Variants in EPHA4 observed in about 807,000 individuals in gnomAD.
EPHA4 encodes the protein EPH receptor A4, also known as ephrin type-A receptor 4.
In EPHA4, 19 loss-of-function variants were observed where a neutral mutation model predicts 108.3. That is an observed-to-expected ratio of 0.18 (90% CI 0.12 to 0.26). The LOEUF (loss-of-function observed/expected upper bound fraction) is 0.26. Among genes scored for constraint, EPHA4 ranks in the 10% least tolerant of loss-of-function variants. The pLI is 1.00. For missense variants in EPHA4, 917 were observed against 1,254.0 expected (o/e 0.73, Z 4.06); for synonymous variants, 449 against 455.5 (o/e 0.99, Z 0.18).
At chr2:221,551,835 A>C (rs1694171712) in intron 3 of EPHA4, among the ~76,000 whole-genome samples, 1 of 151,994 alleles carries the variant, frequency 6.6e-6, no homozygotes, top group Admixed American at 6.6e-5. Context: ...CATCAACATG[A>C]GTTTTTTTTT....
At chr2:221,430,183 T>A in intron 14 of EPHA4, 32 bp from the exon 15 acceptor site, 1 of 1,563,244 alleles carries the variant, frequency 6.4e-7, no homozygotes, top group Non-Finnish European at 8.6e-7. Flanking sequence ...TATGTTAAGC[T>A]GCCAGGCAAG....
At chr2:221,466,752 A>G (rs1168563252) in intron 5 of EPHA4, among the ~76,000 whole-genome samples, 3 of 152,184 alleles carry the variant, frequency 2.0e-5, no homozygotes, top group Non-Finnish European at 4.4e-5. Context: ...TTATAGATCA[A>G]GAAGATAAGG....
intron 3 of EPHA4, among the ~76,000 whole-genome samples, chr2:221,519,034 G>T (rs902575274): frequency 1.3e-5 from 2 of 152,140 alleles, no homozygotes; most frequent in African/African-American, 2.4e-5. Flanking sequence ...GGTGCAAGAA[G>T]AAATAAATCT....
intron 17 of EPHA4, chr2:221,422,214 T>A (rs1348917274): frequency 6.6e-6 from 1 of 152,208 alleles, no homozygotes; most frequent in South Asian, 2.1e-4. Flanking sequence ...ATTTCCTCTC[T>A]GGAAATCGGT....
chr2:221,507,434 A>G lies in EPHA4; in HGVS notation c.824-6262T>C, dbSNP rs13382191. Among the ~76,000 whole-genome samples, 1,246 of 152,286 alleles carry G rather than the reference A, an allele frequency of 8.2e-3. 18 individuals are homozygous for G. Among genetic ancestry groups the G allele is most frequent in the African/African-American group, 0.028 (1,179 of 41,554 alleles). On this transcript the variant is annotated intron_variant, in intron 3 of 17. Coordinates refer to ENST00000281821, the MANE Select transcript of EPHA4 (RefSeq NM_004438.5). ...ACCATTGTGGGGACAATTTCTTTGA[A>G]TCAGTTCAAATTTCTGCAATTATAT... is the stretch of plus-strand genomic sequence containing the variant.
At chr2:221,466,114 C>A (rs1405009882) in intron 5 of EPHA4, among the ~76,000 whole-genome samples, 3 of 152,126 alleles carry the variant, frequency 2.0e-5, no homozygotes, top group Non-Finnish European at 4.4e-5. Flanking sequence ...TTCCCACGGA[C>A]AAAATCACGG....
chr2:221,429,614 T>C (rs1005745901), intron 15 of EPHA4, among the ~76,000 whole-genome samples: 1 of 152,216 alleles, frequency 6.6e-6, no homozygotes, highest in Non-Finnish European at 1.5e-5. Context: ...CATTTCAAAA[T>C]ATAGCACCTA....
chr2:221,458,903 C>A (rs1691047745), intron 5 of EPHA4, among the ~76,000 whole-genome samples: 1 of 152,114 alleles, frequency 6.6e-6, no homozygotes, highest in African/African-American at 2.4e-5. Context: ...CCCTGGAGAA[C>A]CAGAGATTAG....
At chr2:221,455,904 A>G (rs895910133) in intron 7 of EPHA4, among the ~76,000 whole-genome samples, 1 of 152,154 alleles carries the variant, frequency 6.6e-6, no homozygotes, top group Non-Finnish European at 1.5e-5. Context: ...AAGGATGTCA[A>G]TCCCCTTCAG....
intron 17 of EPHA4, among the ~76,000 whole-genome samples, chr2:221,421,149 TAGCCAGGC>T (rs1166320012): frequency 4.0e-5 from 6 of 151,882 alleles, no homozygotes; most frequent in Non-Finnish European, 7.4e-5. Context: ...TACAAAAAAT[TAGCCAGGC>T]GTGGTGGCGG....
chr2:221,463,989 G>C (rs558095763), intron 5 of EPHA4, among the ~76,000 whole-genome samples: 1 of 152,170 alleles, frequency 6.6e-6, no homozygotes, highest in Non-Finnish European at 1.5e-5. Flanking sequence ...TGGAGGAGGT[G>C]AGCTAGGAAA....
At chr2:221,551,675 C>T (rs888312601) in intron 3 of EPHA4, among the ~76,000 whole-genome samples, 5 of 152,048 alleles carry the variant, frequency 3.3e-5, no homozygotes, top group East Asian at 3.9e-4. Context: ...AAATTAGGTA[C>T]TTGGGCTTAT....
At chr2:221,458,018 A>G (rs746935251) in intron 5 of EPHA4, 28 bp from the exon 6 acceptor site, 2 of 1,594,524 alleles carry the variant, frequency 1.3e-6, no homozygotes, top group South Asian at 2.3e-5. Flanking sequence ...AAGACAAAAG[A>G]TATTTTCTTT....
intron 8 of EPHA4, among the ~76,000 whole-genome samples, chr2:221,453,156 A>G (rs1690837439): frequency 6.6e-6 from 1 of 152,224 alleles, no homozygotes; most frequent in Non-Finnish European, 1.5e-5. Context: ...TGGTCAAGAC[A>G]CAAGGCAAGG....
intron 3 of EPHA4, among the ~76,000 whole-genome samples, chr2:221,549,669 C>A (rs1412739788): frequency 7.1e-6 from 1 of 140,416 alleles, no homozygotes; most frequent in African/African-American, 2.7e-5. Flanking sequence ...CTTTAATTCG[C>A]ATGTTTAAGA....
intron 5 of EPHA4, among the ~76,000 whole-genome samples, chr2:221,474,439 G>A (rs1356071314): frequency 1.7e-5 from 2 of 118,052 alleles, no homozygotes; most frequent in African/African-American, 3.3e-5. Context: ...AAAAAAAAAA[G>A]TACCGCATGT....
At chr2:221,436,724 A>C in intron 12 of EPHA4, 116 bp from the exon 13 acceptor site, 1 of 1,085,320 alleles carries the variant, frequency 9.2e-7, no homozygotes. Flanking sequence ...AATGAAACTC[A>C]ACATTATTTC....
chr2:221,565,151 C>T (rs1369385544), intron 2 of EPHA4, among the ~76,000 whole-genome samples: 1 of 152,078 alleles, frequency 6.6e-6, no homozygotes, highest in Admixed American at 6.6e-5. Context: ...ACATGCTTTG[C>T]TTCTAACTCT....
intron 4 of EPHA4, among the ~76,000 whole-genome samples, chr2:221,490,930 G>A (rs970105068): frequency 6.6e-6 from 1 of 152,146 alleles, no homozygotes; most frequent in Non-Finnish European, 1.5e-5. Flanking sequence ...CTCTTATCAT[G>A]GTGGTTTATG....
Sources: allele counts gnomAD v4.1 joint callset (sites outside exome capture counted in the v4.1 genomes callset), GRCh38; gene constraint gnomAD v4.1.1; transcripts MANE v1.5; gene names NCBI Gene and HGNC (gene_info 2026-07-23, HGNC 2026-07-21).